EPHA4: variants seen among roughly 807,000 people sequenced by gnomAD.
EPHA4 encodes EPH receptor A4, also known as ephrin type-A receptor 4.
A neutral mutation model predicts 108.3 loss-of-function variants in EPHA4; 19 were observed. The observed-to-expected ratio is 0.18, with a 90% CI of 0.12 to 0.26. The LOEUF (loss-of-function observed/expected upper bound fraction) is 0.26. Among genes scored for constraint, EPHA4 ranks in the 10% least tolerant of loss-of-function variants. EPHA4 has a pLI of 1.00. For synonymous variants in EPHA4, 449 were observed against 455.5 expected (o/e 0.99, Z 0.18); for missense variants, 917 against 1,254.0 (o/e 0.73, Z 4.06).
intron 9 of EPHA4, among the ~76,000 whole-genome samples, chr2:221,444,005 T>A (rs1164872026): frequency 6.6e-6 from 1 of 152,224 alleles, no homozygotes; most frequent in Non-Finnish European, 1.5e-5. Context: ...CATTTTAATT[T>A]CAAACAGCTC....
At position 221,443,563 on chromosome 2, in the gene EPHA4, G is replaced by A; in HGVS notation, c.1818C>T (p.Asn606=). The A allele has an allele frequency of 6.2e-7, 1 of 1,613,888 alleles. No individual in the cohort carries two copies. Among genetic ancestry groups the A allele is most frequent in the Non-Finnish European group, 8.5e-7 (1 of 1,179,934 alleles). ...CTTTGGCAAACTCTCGCACTGCTTG[G>A]TTGGGATCTTCGTACGTAAAGGGGT... ...YVDPFTYEDP[N]QAVREFAKEI... Residue 606 remains asparagine (N), a synonymous_variant, in exon 10 of 18, where the codon AAC becomes AAT. Transcript: ENST00000281821.
At chr2:221,440,662 TA>T (rs1690397720) in intron 11 of EPHA4, among the ~76,000 whole-genome samples, 1 of 152,024 alleles carries the variant, frequency 6.6e-6, no homozygotes, top group African/African-American at 2.4e-5. Flanking sequence ...ACCTACTTCT[TA>T]AGACATAATA....
At chr2:221,426,701 G>A (rs1369059526) in intron 15 of EPHA4, 82 bp from the exon 16 acceptor site, 7 of 1,267,118 alleles carry the variant, frequency 5.5e-6, no homozygotes, top group Non-Finnish European at 7.6e-6. Flanking sequence ...GCCTCAAATA[G>A]GCAAGGAGAA....
intron 3 of EPHA4, among the ~76,000 whole-genome samples, chr2:221,524,770 T>C (rs1693272649): frequency 6.6e-6 from 1 of 152,202 alleles, no homozygotes; most frequent in Non-Finnish European, 1.5e-5. Context: ...GCTGGATTAG[T>C]TGCCACACAA....
At chr2:221,529,584 C>T (rs951626936) in intron 3 of EPHA4, among the ~76,000 whole-genome samples, 2 of 152,168 alleles carry the variant, frequency 1.3e-5, no homozygotes, top group Admixed American at 6.5e-5. Context: ...TGAGATCCTC[C>T]AGTATCAAAT....
chr2:221,512,327 G>C (rs1336598781), intron 3 of EPHA4, among the ~76,000 whole-genome samples: 1 of 152,168 alleles, frequency 6.6e-6, no homozygotes, highest in East Asian at 1.9e-4. Context: ...GAAAACCCCT[G>C]CCATTAATTT....
At chr2:221,533,223 A>G (rs771581191) in intron 3 of EPHA4, among the ~76,000 whole-genome samples, 21 of 152,236 alleles carry the variant, frequency 1.4e-4, no homozygotes, top group Non-Finnish European at 2.5e-4. Flanking sequence ...GTATCCTACC[A>G]TCAGGCAGCC....
intron 5 of EPHA4, among the ~76,000 whole-genome samples, chr2:221,478,121 C>A (rs1212497927): frequency 6.6e-6 from 1 of 152,004 alleles, no homozygotes; most frequent in Non-Finnish European, 1.5e-5. Flanking sequence ...ATGGTCCAGC[C>A]TCACAGCTAG....
chr2:221,573,256 A>G (rs1694903883), upstream of EPHA4: 1 of 152,178 alleles, frequency 6.6e-6, no homozygotes, highest in Non-Finnish European at 1.5e-5. The surrounding 1 kb of genome is among the most constrained non-coding windows in gnomAD (Gnocchi z 4.5). Context: ...AGCTGCCCGG[A>G]GCGGCTGCTG....
chr2:221,468,518 C>T (rs1279133508), intron 5 of EPHA4, among the ~76,000 whole-genome samples: 1 of 152,154 alleles, frequency 6.6e-6, no homozygotes. Flanking sequence ...TGCTAATCGT[C>T]CTGCTGTGTT....
At chr2:221,449,956 C>T (rs1690728551) in intron 8 of EPHA4, among the ~76,000 whole-genome samples, 1 of 152,170 alleles carries the variant, frequency 6.6e-6, no homozygotes, top group Non-Finnish European at 1.5e-5. Flanking sequence ...TTCTTTTTCT[C>T]CTTCTTTAAG....
At chr2:221,469,231 C>T (rs910703202) in intron 5 of EPHA4, among the ~76,000 whole-genome samples, 7 of 152,170 alleles carry the variant, frequency 4.6e-5, no homozygotes, top group African/African-American at 1.4e-4. Context: ...TTCCATTTCA[C>T]AAGGGCATGA....
intron 3 of EPHA4, among the ~76,000 whole-genome samples, chr2:221,520,221 T>G (rs1693118147): frequency 6.6e-6 from 1 of 152,118 alleles, no homozygotes; most frequent in Non-Finnish European, 1.5e-5. Flanking sequence ...CATCCTGCAC[T>G]TCAATCAAAC....
At chr2:221,521,935 C>G (rs1261743547) in intron 3 of EPHA4, among the ~76,000 whole-genome samples, 1 of 152,152 alleles carries the variant, frequency 6.6e-6, no homozygotes, top group Non-Finnish European at 1.5e-5. Flanking sequence ...CAAGATTGTG[C>G]CACTGCATTC....
At chr2:221,430,517 A>G (rs141814659) in intron 14 of EPHA4, among the ~76,000 whole-genome samples, 132 of 151,574 alleles carry the variant, frequency 8.7e-4, no homozygotes, top group African/African-American at 3.1e-3. Context: ...TAGCACACCT[A>G]AACACTCTTC....
chr2:221,504,804 C>T (rs1188124639), intron 3 of EPHA4, among the ~76,000 whole-genome samples: 1 of 152,140 alleles, frequency 6.6e-6, no homozygotes, highest in Non-Finnish European at 1.5e-5. Context: ...GATGAAGAAA[C>T]AGGGTTTTCA....
At chr2:221,484,989 G>C (rs567794695) in intron 4 of EPHA4, among the ~76,000 whole-genome samples, 1 of 152,310 alleles carries the variant, frequency 6.6e-6, no homozygotes, top group Admixed American at 6.5e-5. Context: ...TCCATTACTA[G>C]TCTGCAGCTG....
intron 17 of EPHA4, among the ~76,000 whole-genome samples, chr2:221,422,265 G>A (rs1401249739): frequency 6.6e-6 from 1 of 152,144 alleles, no homozygotes; most frequent in Non-Finnish European, 1.5e-5. Flanking sequence ...GAATGTGAAG[G>A]GATTTCATCA....
intron 14 of EPHA4, 128 bp from the exon 15 acceptor site, chr2:221,430,279 T>A (rs2106092645): frequency 1.1e-6 from 1 of 898,716 alleles, no homozygotes; most frequent in Non-Finnish European, 1.7e-6. Context: ...CAGCTCCAAC[T>A]CCTTCACATG....
Sources: gnomAD v4.1 joint callset for allele counts (sites outside exome capture counted in the v4.1 genomes callset) on GRCh38, gnomAD v4.1.1 for gene constraint, Gnocchi (gnomAD v3.1) non-coding constraint, MANE v1.5 for transcripts, NCBI Gene and HGNC (gene_info 2026-07-23, HGNC 2026-07-21) for gene names.